The following DGKZ variants were observed in gnomAD, a reference collection of about 807,000 sequenced individuals.
DGKZ encodes DAG kinase zeta.
Under a neutral mutation model 142.5 loss-of-function variants are expected in DGKZ, and 45 were observed. The ratio of observed to expected loss-of-function variants is 0.32; its 90% CI spans 0.25 to 0.40. The LOEUF (loss-of-function observed/expected upper bound fraction) is 0.40. Ranked by LOEUF, DGKZ falls within the 10% of genes least tolerant of loss-of-function variation. The probability of loss-of-function intolerance (pLI) is 1.00; values close to 1 mark genes in which losing one functional copy is unlikely to be tolerated. For missense variants in DGKZ, 755 were observed against 1,306.5 expected (o/e 0.58, Z 6.51); for synonymous variants, 442 against 527.0 (o/e 0.84, Z 2.21).
intron 1 of DGKZ, chr11:46,333,612 G>C (rs962605733): frequency 1.2e-6 from 1 of 869,428 alleles, no homozygotes; most frequent in Non-Finnish European, 1.8e-6. Flanking sequence ...GATGACTGCC[G>C]AGGGATCTCT....
chr11:46,356,015 G>T (rs1483893320), intron 1 of DGKZ, among the ~76,000 whole-genome samples: 1 of 152,200 alleles, frequency 6.6e-6, no homozygotes, highest in Admixed American at 6.5e-5. Flanking sequence ...CAAAGTGCTG[G>T]GATTACAGGC....
Position 46,374,580 on chromosome 11 carries a change from G to T in DGKZ, c.1462-24G>T, listed in dbSNP as rs201849461. 4.4e-6 allele frequency: 7 copies of T among 1,593,478 alleles called. No individual in the cohort carries two copies. In the East Asian group the frequency reaches 1.6e-4, roughly 36 times the overall value. ...TGAGGAAAGATCTCTGTCAGCAGAT[G>T]GTGACGCCCTCTGTCTCCCACAGAC... On this transcript the variant is annotated intron_variant, in intron 16 of 30. Transcript: ENST00000527911.
At chr11:46,379,627 C>T in intron 30 of DGKZ, 59 bp downstream of exon 30, 7 of 1,470,600 alleles carry the variant, frequency 4.8e-6, no homozygotes, top group Non-Finnish European at 6.4e-6. Flanking sequence ...TCCCAAGGTC[C>T]TAGGCGGGAG....
chr11:46,368,308 G>A (rs773921203), intron 4 of DGKZ: 26 of 606,068 alleles, frequency 4.3e-5, no homozygotes, highest in Middle Eastern at 2.5e-4. Context: ...TAGTGGGTTC[G>A]TTGAATATCA....
At chr11:46,358,690 T>C (rs1336487896) in intron 1 of DGKZ, among the ~76,000 whole-genome samples, 1 of 152,210 alleles carries the variant, frequency 6.6e-6, no homozygotes, top group African/African-American at 2.4e-5. Context: ...TAAAAATAAG[T>C]AATAAAATAT....
intron 1 of DGKZ, among the ~76,000 whole-genome samples, chr11:46,353,813 G>A (rs908885972): frequency 6.6e-6 from 1 of 152,196 alleles, no homozygotes; most frequent in Non-Finnish European, 1.5e-5. Flanking sequence ...GAGCTCCCAC[G>A]TAGAGGCCTC....
At chr11:46,342,011 G>A (rs1230822262) in intron 1 of DGKZ, among the ~76,000 whole-genome samples, 4 of 152,288 alleles carry the variant, frequency 2.6e-5, no homozygotes, top group Admixed American at 6.5e-5. Context: ...TGTCCAGGTC[G>A]TGGGTTGAGT....
intron 27 of DGKZ, 67 bp from the exon 28 acceptor site, chr11:46,378,924 G>T: frequency 6.7e-7 from 1 of 1,497,008 alleles, no homozygotes; most frequent in Non-Finnish European, 8.8e-7. Context: ...CTGTGGGCCA[G>T]CGTGTGAGCT....
At chr11:46,373,199 A>G in intron 14 of DGKZ, 98 bp downstream of exon 14, 2 of 1,354,858 alleles carry the variant, frequency 1.5e-6, no homozygotes, top group South Asian at 3.0e-5. Flanking sequence ...GTGTCTCTTC[A>G]TTTCTCCAAC....
At position 46,372,252 on chromosome 11, in the gene DGKZ, C is replaced by G. The variant is rs1056627543; in HGVS notation, c.927+82C>G. On this transcript the variant is annotated intron_variant, in intron 10 of 30. Transcript: ENST00000527911. This position sits in a 1 kb window ranked among gnomAD's most constrained non-coding sequence, Gnocchi z 5.9. ...GTCTGCCAGCAGCTGTTCCCAGAGC[C>G]CGTTTCTGGCTTCTACCCCAATCCC... 7.1e-7 allele frequency: 1 copy of G among 1,411,754 alleles called. No homozygotes were observed. The highest frequency in any genetic ancestry group is 1.4e-5 in the African/African-American group (1 of 70,210). 87.5% of individuals were successfully genotyped at this position (1,411,754 alleles called of 1,614,324 possible).
Position 46,372,478 on chromosome 11 carries a change from C to G in DGKZ, c.978C>G (p.Val326=), listed in dbSNP as rs1461206398. The G allele has an allele frequency of 6.2e-7, 1 of 1,614,040 alleles. No homozygotes were observed. Among genetic ancestry groups the G allele is most frequent in the East Asian group, 2.2e-5 (1 of 44,890 alleles). Residue 326 remains valine (V), a synonymous_variant, in exon 11 of 31, where the codon GTC becomes GTG. Coordinates refer to ENST00000527911, the Ensembl canonical transcript of DGKZ. This position sits in a 1 kb window ranked among gnomAD's most constrained non-coding sequence, Gnocchi z 5.9. The stretch of plus-strand genomic sequence containing the variant: ...TCTGGTATCTCAATCCCCGACAAGT[C>G]TTCGACCTGAGCCAGGGAGGGCCCA...
intron 1 of DGKZ, among the ~76,000 whole-genome samples, chr11:46,355,270 G>A (rs1266805749): frequency 2.6e-5 from 4 of 151,954 alleles, no homozygotes; most frequent in Non-Finnish European, 4.4e-5. Flanking sequence ...CACCACGCCC[G>A]GCTAATTTTT....
At chr11:46,371,932 G>C in intron 9 of DGKZ, 143 bp from the exon 10 acceptor site, 1 of 1,227,864 alleles carries the variant, frequency 8.1e-7, no homozygotes, top group Non-Finnish European at 1.2e-6. Context: ...GCCAGTTTCT[G>C]CTCTGTGGCC....
At chr11:46,352,133 CG>C (rs1941464669) in intron 1 of DGKZ, among the ~76,000 whole-genome samples, 1 of 152,232 alleles carries the variant, frequency 6.6e-6, no homozygotes, top group Non-Finnish European at 1.5e-5. Flanking sequence ...GTGGCCCCCC[CG>C]GGGCAGAGGT....
In DGKZ at chr11:46,375,640, C is replaced by G; in HGVS notation, c.1910+9C>G. The stretch of plus-strand genomic sequence containing the variant: ...GCCCCCCTGCACAGCGAGTACGTCC[C>G]ACCCTGCCACGTGCCCTGGGTGCCA... On this transcript the variant is annotated intron_variant, in intron 20 of 30. Coordinates refer to ENST00000527911, the Ensembl canonical transcript of DGKZ. The G allele has an allele frequency of 1.3e-6, 2 of 1,548,702 alleles. No individual in the cohort carries two copies. Among genetic ancestry groups the G allele is most frequent in the Admixed American group, 3.8e-5 (2 of 52,892 alleles).
At chr11:46,365,744 C>T in intron 1 of DGKZ, 1 of 985,438 alleles carries the variant, frequency 1.0e-6, no homozygotes, top group East Asian at 1.1e-4. Flanking sequence ...ACCTAACCTG[C>T]CCCCACCATG....
intron 1 of DGKZ, among the ~76,000 whole-genome samples, chr11:46,349,871 A>C (rs899804987): frequency 6.6e-6 from 1 of 151,994 alleles, no homozygotes; most frequent in African/African-American, 2.4e-5. Context: ...TGGCCAAGGG[A>C]GCTTTAAGAA....
At chr11:46,355,143 C>T (rs932136339) in intron 1 of DGKZ, among the ~76,000 whole-genome samples, 13 of 152,250 alleles carry the variant, frequency 8.5e-5, no homozygotes, top group African/African-American at 3.1e-4. Flanking sequence ...CAGAGTCTCA[C>T]TCTCGCCCAG....
Position 46,352,052 on chromosome 11 carries a change from T to G in DGKZ, c.161+4232T>G, listed in dbSNP as rs565319986. 2.0e-5 allele frequency among the ~76,000 whole-genome samples: 3 copies of G among 152,304 alleles called. No homozygotes were observed. The East Asian group carries it at 5.8e-4, about 29-fold the overall frequency. ...AGAGAAAGCTGAGGCTCCAGGCAGCTGGGCTGGGGGAGAGTGAGAGAAACG... is the reference window on the plus strand; with the variant it reads ...AGAGAAAGCTGAGGCTCCAGGCAGCGGGGCTGGGGGAGAGTGAGAGAAACG... On this transcript the variant is annotated intron_variant, in intron 1 of 30. Coordinates refer to ENST00000527911, the Ensembl canonical transcript of DGKZ.
Sources: gnomAD v4.1 joint callset for allele counts (sites outside exome capture counted in the v4.1 genomes callset) on GRCh38, gnomAD v4.1.1 for gene constraint, Gnocchi (gnomAD v3.1) non-coding constraint, MANE v1.5 for transcripts, NCBI Gene and HGNC (gene_info 2026-07-23, HGNC 2026-07-21) for gene names.